Variants in AIG1 observed in about 807,000 individuals in gnomAD.
AIG1 encodes the protein androgen-induced gene 1 protein.
In AIG1, 23 loss-of-function variants were observed where a neutral mutation model predicts 31.4. The observed-to-expected ratio is 0.73, with a 90% CI of 0.53 to 1.04. The LOEUF is 1.04. AIG1 is among the 50% of genes least tolerant of loss of function. The pLI is 0.00. For synonymous variants in AIG1, 100 were observed against 110.5 expected (o/e 0.90, Z 0.60); for missense variants, 274 against 295.0 (o/e 0.93, Z 0.52).
intron 3 of AIG1, among the ~76,000 whole-genome samples, chr6:143,198,558 C>T (rs894761447): frequency 2.0e-5 from 3 of 152,132 alleles, no homozygotes; most frequent in Admixed American, 6.5e-5. Flanking sequence ...AAATAACAGT[C>T]GTTTAAAATC....
intron 1 of AIG1, 49 bp downstream of exon 1, chr6:143,061,115 TGC>T (rs763057776): frequency 7.5e-4 from 1,162 of 1,545,010 alleles, no homozygotes; most frequent in East Asian, 9.5e-4. Context: ...TGCCTGTGTG[TGC>T]GTGTGTGTGT....
intron 4 of AIG1, among the ~76,000 whole-genome samples, chr6:143,314,386 A>G (rs1775560552): frequency 6.6e-6 from 1 of 151,754 alleles, no homozygotes; most frequent in Non-Finnish European, 1.5e-5. Flanking sequence ...GGGAGAAAGA[A>G]CTGTCTTTAT....
chr6:143,173,017 T>G (rs1787786334), intron 3 of AIG1, among the ~76,000 whole-genome samples: 1 of 152,086 alleles, frequency 6.6e-6, no homozygotes, highest in Non-Finnish European at 1.5e-5. Flanking sequence ...AGAGTCAACT[T>G]TTTGTTTCAT....
chr6:143,080,168 G>A (rs1778094974), intron 1 of AIG1, among the ~76,000 whole-genome samples: 1 of 152,154 alleles, frequency 6.6e-6, no homozygotes, highest in East Asian at 1.9e-4. Context: ...CTGTTGGGGA[G>A]GTTGGCTGAC....
chr6:143,263,103 A>G (rs929951329), intron 3 of AIG1, among the ~76,000 whole-genome samples: 2 of 152,204 alleles, frequency 1.3e-5, no homozygotes, highest in Non-Finnish European at 2.9e-5. Context: ...AGATCCGATT[A>G]GTACATCACC....
intron 1 of AIG1, among the ~76,000 whole-genome samples, chr6:143,087,281 G>C (rs189167554): frequency 6.6e-6 from 1 of 152,108 alleles, no homozygotes; most frequent in African/African-American, 2.4e-5. Flanking sequence ...CAAGCCTTTT[G>C]TTCTCTCACC....
Position 143,297,200 on chromosome 6 carries a change from G to A in AIG1, c.515+12975G>A, listed in dbSNP as rs923767546. Among the ~76,000 whole-genome samples, 9 of 152,304 alleles carry A rather than the reference G, an allele frequency of 5.9e-5. No individual in the cohort carries two copies. Among genetic ancestry groups the A allele is most frequent in the African/African-American group, 2.2e-4 (9 of 41,568 alleles). On this transcript the variant is annotated intron_variant, in intron 4 of 5. Coordinates refer to ENST00000357847, the MANE Select transcript of AIG1 (RefSeq NM_016108.4). The surrounding 1 kb of genome is among the most constrained non-coding windows in gnomAD (Gnocchi z 5.1). ...GCTGCCTCTTGGAGGGTGAATAAGA[G>A]TTAGCTTTGTGAAGGTCCAGGATAA...
chr6:143,231,993 G>T (rs1208544452), intron 3 of AIG1, among the ~76,000 whole-genome samples: 4 of 152,208 alleles, frequency 2.6e-5, no homozygotes, highest in Non-Finnish European at 5.9e-5. Context: ...GAAGGCCTCA[G>T]ATACCAAGTC....
At chr6:143,113,899 G>A (rs1280224377) in intron 1 of AIG1, among the ~76,000 whole-genome samples, 3 of 151,532 alleles carry the variant, frequency 2.0e-5, no homozygotes, top group South Asian at 2.1e-4. Context: ...CTCAGCTTCC[G>A]GAGTAGCTGG....
At chr6:143,305,724 G>C (rs950664656) in intron 4 of AIG1, among the ~76,000 whole-genome samples, 1 of 152,146 alleles carries the variant, frequency 6.6e-6, no homozygotes, top group Non-Finnish European at 1.5e-5. Context: ...GAAGAGTTCT[G>C]TAGATGTCTA....
At chr6:143,150,730 A>T (rs961482887) in intron 2 of AIG1, among the ~76,000 whole-genome samples, 1 of 152,160 alleles carries the variant, frequency 6.6e-6, no homozygotes, top group Non-Finnish European at 1.5e-5. Flanking sequence ...AGAAAAGCTC[A>T]TGGGGGAAAA....
intron 2 of AIG1, among the ~76,000 whole-genome samples, chr6:143,159,096 G>A (rs1054528367): frequency 3.9e-5 from 6 of 152,246 alleles, no homozygotes; most frequent in Non-Finnish European, 7.3e-5. Context: ...TCCATGTGGA[G>A]GTGCTATTTA....
Position 143,283,628 on chromosome 6 carries a change from A to G in AIG1, c.400-482A>G, listed in dbSNP as rs1405189938. 2.6e-5 allele frequency among the ~76,000 whole-genome samples: 4 copies of G among 152,254 alleles called. No homozygotes were observed. In the East Asian group the frequency reaches 5.8e-4, roughly 22 times the overall value. On this transcript the variant is annotated intron_variant, in intron 3 of 5. Coordinates refer to ENST00000357847, the MANE Select transcript of AIG1 (RefSeq NM_016108.4). ...CCATATAATGGAGTTCTCCAAAGCT[A>G]TGGTCAAGACCGATGTTCTGGAAGA...
intron 1 of AIG1, among the ~76,000 whole-genome samples, chr6:143,082,590 G>T (rs1285990803): frequency 6.6e-6 from 1 of 152,136 alleles, no homozygotes; most frequent in Non-Finnish European, 1.5e-5. Flanking sequence ...CACACAGTAA[G>T]AGCTCTTCCT....
intron 1 of AIG1, among the ~76,000 whole-genome samples, chr6:143,116,750 C>A (rs1482793993): frequency 6.6e-6 from 1 of 150,644 alleles, no homozygotes; most frequent in Non-Finnish European, 1.5e-5. Context: ...GTGGGATGGA[C>A]AGGAGAACCA....
intron 3 of AIG1, among the ~76,000 whole-genome samples, chr6:143,234,548 TTG>T (rs1226552085): frequency 2.6e-5 from 4 of 152,176 alleles, no homozygotes; most frequent in African/African-American, 9.7e-5. Flanking sequence ...TGACTAGGAA[TTG>T]TCTTTCTTTG....
intron 3 of AIG1, among the ~76,000 whole-genome samples, chr6:143,227,922 C>CT (rs1793132012): frequency 6.6e-6 from 1 of 152,218 alleles, no homozygotes; most frequent in African/African-American, 2.4e-5. Context: ...CTGCATTCCT[C>CT]TTTATCTGTT....
chr6:143,261,116 G>A (rs923912791), intron 3 of AIG1, among the ~76,000 whole-genome samples: 1 of 152,070 alleles, frequency 6.6e-6, no homozygotes, highest in Non-Finnish European at 1.5e-5. Context: ...GAAGGAAGAA[G>A]GAAAGCATGA....
At chr6:143,069,580 G>A (rs1358562136) in intron 1 of AIG1, among the ~76,000 whole-genome samples, 1 of 152,110 alleles carries the variant, frequency 6.6e-6, no homozygotes, top group Non-Finnish European at 1.5e-5. Flanking sequence ...GACTGAAGTT[G>A]TTAATTATCT....
Sources: allele counts gnomAD v4.1 joint callset (sites outside exome capture counted in the v4.1 genomes callset), GRCh38; gene constraint gnomAD v4.1.1; non-coding constraint Gnocchi (gnomAD v3.1); transcripts MANE v1.5; gene names NCBI Gene and HGNC (gene_info 2026-07-23, HGNC 2026-07-21).